The following CCDC171 variants were observed in gnomAD, a reference collection of about 807,000 sequenced individuals.
CCDC171 encodes the protein coiled-coil domain containing 171, also known as coiled-coil domain-containing protein 171.
CCDC171 carries 177 observed loss-of-function variants against 168.2 expected under a neutral mutation model. The ratio of observed to expected loss-of-function variants is 1.05; its 90% CI spans 0.93 to 1.19. The LOEUF (loss-of-function observed/expected upper bound fraction) is 1.19, where lower values mean the gene tolerates loss of function less well. CCDC171 is among the 50% of genes most tolerant of loss of function. CCDC171 has a pLI of 0.00. For synonymous variants in CCDC171, 687 were observed against 540.8 expected (o/e 1.27, Z -3.75); for missense variants, 1,991 against 1,539.0 (o/e 1.29, Z -4.91).
At chr9:15,801,545 A>G (rs565160565) in intron 21 of CCDC171, among the ~76,000 whole-genome samples, 1 of 152,190 alleles carries the variant, frequency 6.6e-6, no homozygotes, top group South Asian at 2.1e-4. Context: ...CAAATATAAG[A>G]TCATATCATC....
At chr9:15,554,874 T>C (rs1207800043) in intron 1 of CCDC171, among the ~76,000 whole-genome samples, 1 of 152,152 alleles carries the variant, frequency 6.6e-6, no homozygotes, top group Non-Finnish European at 1.5e-5. Context: ...GTGCATAATC[T>C]CATAGAGATG....
chr9:15,960,399 T>C (rs1158031650), intron 25 of CCDC171, among the ~76,000 whole-genome samples: 1 of 152,158 alleles, frequency 6.6e-6, no homozygotes, highest in East Asian at 1.9e-4. Flanking sequence ...TAGAGCTAAT[T>C]TAGGATACTA....
chr9:15,737,439 C>A (rs919897189), intron 16 of CCDC171, among the ~76,000 whole-genome samples: 2 of 152,006 alleles, frequency 1.3e-5, no homozygotes, highest in Non-Finnish European at 2.9e-5. Flanking sequence ...CAACCTGGGC[C>A]CTGTTGCCAG....
intron 21 of CCDC171, among the ~76,000 whole-genome samples, chr9:15,797,098 G>GT (rs979738873): frequency 2.0e-5 from 3 of 152,096 alleles, no homozygotes; most frequent in Non-Finnish European, 2.9e-5. Context: ...TATATGGTAT[G>GT]TTTTTTGCAT....
At chr9:16,001,436 T>C (rs1832542237) in intron 3 of CCDC171, among the ~76,000 whole-genome samples, 1 of 151,990 alleles carries the variant, frequency 6.6e-6, no homozygotes, top group Non-Finnish European at 1.5e-5. Flanking sequence ...TTTTCTCATA[T>C]ATGCATATAA....
At chr9:15,780,363 T>G (rs1262328407) in intron 20 of CCDC171, among the ~76,000 whole-genome samples, 2 of 151,986 alleles carry the variant, frequency 1.3e-5, no homozygotes, top group African/African-American at 4.8e-5. Flanking sequence ...ATGACAACCT[T>G]AAGTAAAAAT....
chr9:15,867,748 C>A (rs1368477977), intron 23 of CCDC171, among the ~76,000 whole-genome samples: 6 of 152,024 alleles, frequency 3.9e-5, no homozygotes, highest in African/African-American at 1.4e-4. Flanking sequence ...ATCTAAATAA[C>A]TAATTTCAGC....
At chr9:15,724,697 A>G (rs1234571592) in intron 13 of CCDC171, 79 bp from the exon 14 acceptor site, 6 of 816,708 alleles carry the variant, frequency 7.3e-6, no homozygotes, top group Admixed American at 6.5e-5. Context: ...AAAATGTTCA[A>G]TATGTGTTTT....
intron 18 of CCDC171, among the ~76,000 whole-genome samples, chr9:15,751,960 G>A (rs1403648099): frequency 1.3e-5 from 2 of 152,144 alleles, no homozygotes; most frequent in African/African-American, 2.4e-5. Context: ...ACTATCATGA[G>A]AGTGAACAGG....
chr9:15,741,807 T>A (rs1044519020), intron 16 of CCDC171, among the ~76,000 whole-genome samples: 1 of 152,214 alleles, frequency 6.6e-6, no homozygotes, highest in African/African-American at 2.4e-5. Flanking sequence ...CCAAATACAA[T>A]GTTAAATACT....
At chr9:16,087,322 C>T in the CCDC171 span, among the ~76,000 whole-genome samples, 1 of 152,068 alleles carries the variant, frequency 6.6e-6, no homozygotes, top group Non-Finnish European at 1.5e-5. Flanking sequence ...CTAATATTGA[C>T]AGTGGGGTGT....
chr9:15,908,376 A>G (rs1823054194), intron 24 of CCDC171, among the ~76,000 whole-genome samples: 1 of 152,168 alleles, frequency 6.6e-6, no homozygotes, highest in Non-Finnish European at 1.5e-5. Flanking sequence ...GTAGCTGGAA[A>G]CCATCATTCT....
At chr9:15,744,016 T>C (rs1396642590) in intron 16 of CCDC171, among the ~76,000 whole-genome samples, 1 of 152,222 alleles carries the variant, frequency 6.6e-6, no homozygotes, top group Non-Finnish European at 1.5e-5. Flanking sequence ...TATGAAATAG[T>C]CTTAAATTTA....
chr9:15,839,901 CA>C (rs1403681954), intron 21 of CCDC171, among the ~76,000 whole-genome samples: 2 of 152,070 alleles, frequency 1.3e-5, no homozygotes, highest in African/African-American at 4.8e-5. Flanking sequence ...AGAAAAAACT[CA>C]AAACTTTGTT....
At chr9:15,925,611 G>C (rs2132064241) in intron 25 of CCDC171, among the ~76,000 whole-genome samples, 1 of 151,688 alleles carries the variant, frequency 6.6e-6, no homozygotes, top group East Asian at 1.9e-4. Flanking sequence ...AAGAACAAGA[G>C]AAAATGGTGT....
chr9:15,877,487 C>A (rs1818006033), intron 24 of CCDC171, among the ~76,000 whole-genome samples: 2 of 151,986 alleles, frequency 1.3e-5, no homozygotes, highest in African/African-American at 4.8e-5. Context: ...TCTTCAAAAA[C>A]TTTAAATAAT....
At chr9:15,870,033 C>G (rs1448205482) in intron 23 of CCDC171, among the ~76,000 whole-genome samples, 1 of 151,604 alleles carries the variant, frequency 6.6e-6, no homozygotes, top group Non-Finnish European at 1.5e-5. Context: ...TGGTCTTTGT[C>G]TCAACTACTC....
chr9:15,616,118 T>G (rs1377768211), intron 6 of CCDC171, among the ~76,000 whole-genome samples: 6 of 152,144 alleles, frequency 3.9e-5, no homozygotes, highest in Non-Finnish European at 5.9e-5. Flanking sequence ...ACCTGGCTAA[T>G]TTTTTGTACT....
intron 18 of CCDC171, among the ~76,000 whole-genome samples, chr9:15,754,759 TA>T (rs1321187493): frequency 1.3e-5 from 2 of 152,166 alleles, no homozygotes; most frequent in African/African-American, 4.8e-5. Flanking sequence ...ACCTATCTCA[TA>T]GAGTTATTTA....
Sources: allele counts gnomAD v4.1 joint callset (sites outside exome capture counted in the v4.1 genomes callset), GRCh38; gene constraint gnomAD v4.1.1; transcripts MANE v1.5; gene names NCBI Gene and HGNC (gene_info 2026-07-23, HGNC 2026-07-21).